The following DDX60L variants were observed in gnomAD, a reference collection of about 807,000 sequenced individuals.
DDX60L encodes the protein DExD/H-box 60 like, also known as probable ATP-dependent RNA helicase DDX60-like.
In DDX60L, 191 loss-of-function variants were observed where a neutral mutation model predicts 211.6. That is an observed-to-expected ratio of 0.90 (90% confidence interval 0.80 to 1.02). DDX60L has a LOEUF of 1.02. DDX60L is among the 50% of genes least tolerant of loss of function. The pLI is 0.00. For missense variants in DDX60L, 2,007 were observed against 1,984.1 expected (o/e 1.01, Z -0.22); for synonymous variants, 706 against 694.1 (o/e 1.02, Z -0.27).
chr4:168,401,629 G>C (rs1028373122), intron 25 of DDX60L, among the ~76,000 whole-genome samples: 3 of 152,124 alleles, frequency 2.0e-5, no homozygotes, highest in African/African-American at 7.2e-5. Context: ...TGATCATCTT[G>C]ACATACAGTT....
At position 168,356,836 on chromosome 4, in the gene DDX60L, G is replaced by A. The variant is rs529276980; in HGVS notation, c.*1311C>T. ...CTAATTGTTTGCTTAAAGAATCACA[G>A]AACTTACATTCAAGATTTCATTTAC... On this transcript the variant is annotated 3_prime_UTR_variant, in exon 38 of 38. Coordinates refer to ENST00000682922, the MANE Select transcript of DDX60L (RefSeq NM_001012967.3). 2 of 152,262 alleles carry A rather than the reference G, an allele frequency of 1.3e-5. No individual in the cohort carries two copies. The highest frequency in any genetic ancestry group is 6.5e-5 in the Admixed American group (1 of 15,304). 9.4% of individuals were successfully genotyped at this position (152,262 alleles called of 1,614,324 possible).
chr4:168,391,719 C>T, intron 28 of DDX60L, 75 bp from the exon 29 acceptor site: 1 of 756,592 alleles, frequency 1.3e-6, no homozygotes, highest in Non-Finnish European at 2.0e-6. Context: ...TTTTCCACTC[C>T]AGTCACTGAA....
In DDX60L at chr4:168,425,778, A is replaced by G. The variant is rs556048590; in HGVS notation, c.1930+1292T>C. Among the ~76,000 whole-genome samples, 6 of 152,256 alleles carry G rather than the reference A, an allele frequency of 3.9e-5. No homozygotes were observed. The East Asian group carries it at 1.2e-3, about 29-fold the overall frequency. ...TGAGACTCCATCCCAAAAAAAAGAA[A>G]AAAAAATCACATATCTCTACTCAGT... On this transcript the variant is annotated intron_variant, in intron 14 of 37. Coordinates refer to ENST00000682922, the MANE Select transcript of DDX60L (RefSeq NM_001012967.3).
intron 6 of DDX60L, among the ~76,000 whole-genome samples, chr4:168,457,430 C>T (rs1467481289): frequency 6.9e-6 from 1 of 145,926 alleles, no homozygotes; most frequent in Non-Finnish European, 1.5e-5. Flanking sequence ...CCACCTTTTA[C>T]CGCTTGAGCA....
chr4:168,441,513 T>C, intron 9 of DDX60L, 21 bp from the exon 10 acceptor site: 1 of 1,572,346 alleles, frequency 6.4e-7, no homozygotes, highest in South Asian at 1.2e-5. Context: ...ATAAAAAATA[T>C]TAAAATCTCA....
At chr4:168,372,325 C>T (rs28375999) in intron 35 of DDX60L, among the ~76,000 whole-genome samples, 5,814 of 152,066 alleles carry the variant, frequency 0.038, 379 homozygotes, top group African/African-American at 0.13. Flanking sequence ...ACTAAGTCTC[C>T]GTGGTTCTGG....
At chr4:168,366,363 A>G (rs1391333033) in intron 36 of DDX60L, among the ~76,000 whole-genome samples, 1 of 152,200 alleles carries the variant, frequency 6.6e-6, no homozygotes, top group East Asian at 1.9e-4. Flanking sequence ...CTGAAAATAA[A>G]AAGTTTTTTT....
At chr4:168,470,171 T>C (rs1249620129) in intron 4 of DDX60L, 1 of 152,164 alleles carries the variant, frequency 6.6e-6, no homozygotes, top group Non-Finnish European at 1.5e-5. Context: ...CAAATACAAA[T>C]GTTTGCAACT....
chr4:168,367,252 C>G (rs920114438), intron 36 of DDX60L, among the ~76,000 whole-genome samples: 1 of 152,104 alleles, frequency 6.6e-6, no homozygotes, highest in African/African-American at 2.4e-5. Context: ...TACCACATGT[C>G]GTGGGAGGAA....
intron 36 of DDX60L, among the ~76,000 whole-genome samples, chr4:168,365,640 T>C (rs922843639): frequency 2.6e-5 from 4 of 151,988 alleles, no homozygotes; most frequent in African/African-American, 9.7e-5. Flanking sequence ...TTAAGGGAAT[T>C]TAAGAGGAGG....
Position 168,401,237 on chromosome 4 carries a change from C to G in DDX60L, c.3339-259G>C, listed in dbSNP as rs992058349. On this transcript the variant is annotated intron_variant, in intron 25 of 37. Transcript: ENST00000682922. ...CATTTACAGTCTATTCTCTCTGAAG[C>G]CAGCTACCTGGAGGCTTCATGTGCC... Among the ~76,000 whole-genome samples the G allele has an allele frequency of 3.3e-5, 5 of 152,320 alleles. No individual in the cohort carries two copies. In the South Asian group the frequency reaches 8.3e-4, roughly 25 times the overall value.
intron 13 of DDX60L, among the ~76,000 whole-genome samples, chr4:168,429,146 T>A (rs1751932397): frequency 6.6e-6 from 1 of 152,026 alleles, no homozygotes; most frequent in Non-Finnish European, 1.5e-5. Context: ...ATACAAAAAT[T>A]CCTTTTCTTT....
chr4:168,471,788 G>T lies in DDX60L; in HGVS notation c.223C>A (p.Leu75Ile). 6.2e-7 allele frequency: 1 copy of T among 1,609,464 alleles called. No homozygotes were observed. The highest frequency in any genetic ancestry group is 8.5e-7 in the Non-Finnish European group (1 of 1,178,940). Residue 75 changes from leucine to isoleucine, a missense_variant, in exon 4 of 38, where the codon CTT (leucine) becomes ATT (isoleucine). Coordinates refer to ENST00000682922, the MANE Select transcript of DDX60L (RefSeq NM_001012967.3). ...FYLVECYLVD[L>I]LSNGGQFTIV... is the part of the protein sequence containing the mutation. ...GTGAATTGTCCTCCGTTACTCAGAA[G>T]ATCCACAAGATAGCATTCAACCAGA... is the stretch of plus-strand genomic sequence containing the variant.
intron 12 of DDX60L, among the ~76,000 whole-genome samples, 158 bp from the exon 13 acceptor site, chr4:168,430,796 T>G (rs1752224143): frequency 6.6e-6 from 1 of 152,144 alleles, no homozygotes; most frequent in Non-Finnish European, 1.5e-5. Flanking sequence ...CTATATTATT[T>G]GAAGAAGAGA....
rs983620309 is a variant in DDX60L at position 168,357,163 on chromosome 4, C to T, written c.*984G>A. 1 of 152,166 alleles carries T rather than the reference C, an allele frequency of 6.6e-6. No individual in the cohort carries two copies. The highest frequency in any genetic ancestry group is 1.5e-5 in the Non-Finnish European group (1 of 68,016). 9.4% of individuals were successfully genotyped at this position (152,166 alleles called of 1,614,324 possible). A position where few individuals can be genotyped will look rare whatever the true frequency, so the allele number is the denominator to read the frequency against. ...ATATATTTTTTCTGTTAGATACACA[C>T]TCCTTAATCACTGCCAGGAAGTGTA... is the stretch of plus-strand genomic sequence containing the variant. On this transcript the variant is annotated 3_prime_UTR_variant, in exon 38 of 38. Coordinates refer to ENST00000682922, the MANE Select transcript of DDX60L (RefSeq NM_001012967.3).
intron 30 of DDX60L, among the ~76,000 whole-genome samples, chr4:168,384,008 A>G (rs1203997913): frequency 6.6e-6 from 1 of 152,124 alleles, no homozygotes; most frequent in Non-Finnish European, 1.5e-5. Context: ...CAGGCAGAAA[A>G]AATGAAAAGG....
intron 7 of DDX60L, 82 bp downstream of exon 7, chr4:168,455,957 C>A: frequency 1.1e-6 from 1 of 947,582 alleles, no homozygotes; most frequent in Non-Finnish European, 1.6e-6. Context: ...CAGTGGAGAA[C>A]CTGATGCCAC....
chr4:168,405,277 G>A (rs963291969), intron 24 of DDX60L, among the ~76,000 whole-genome samples: 4 of 151,948 alleles, frequency 2.6e-5, no homozygotes, highest in Non-Finnish European at 5.9e-5. Context: ...CAAAGTGCTG[G>A]GATTATAGGT....
intron 4 of DDX60L, 73 bp downstream of exon 4, chr4:168,471,674 A>C: frequency 8.1e-7 from 1 of 1,230,782 alleles, no homozygotes; most frequent in Non-Finnish European, 1.1e-6. Flanking sequence ...TTTTAGGTCA[A>C]AGGCTCTTTA....
Sources: gnomAD v4.1 joint callset for allele counts (sites outside exome capture counted in the v4.1 genomes callset) on GRCh38, gnomAD v4.1.1 for gene constraint, MANE v1.5 for transcripts, NCBI Gene and HGNC (gene_info 2026-07-23, HGNC 2026-07-21) for gene names.